Variants in PEAK1 observed in about 807,000 individuals in gnomAD.
PEAK1 encodes the protein inactive tyrosine-protein kinase PEAK1.
Under a neutral mutation model 124.7 loss-of-function variants are expected in PEAK1, and 54 were observed. The ratio of observed to expected loss-of-function variants is 0.43; its 90% CI spans 0.35 to 0.54. The LOEUF (loss-of-function observed/expected upper bound fraction) is 0.54, where lower values mean the gene tolerates loss of function less well. PEAK1 is among the 20% of genes least tolerant of loss of function. The pLI, the probability that PEAK1 is intolerant of heterozygous loss-of-function variation, is 0.01. For missense variants in PEAK1, 2,046 were observed against 2,134.5 expected (o/e 0.96, Z 0.82); for synonymous variants, 719 against 760.0 (o/e 0.95, Z 0.89).
intron 6 of PEAK1, among the ~76,000 whole-genome samples, chr15:77,242,071 T>C (rs190001259): frequency 1.6e-3 from 243 of 152,262 alleles, no homozygotes; most frequent in African/African-American, 5.7e-3. Flanking sequence ...TCTTTTGTAC[T>C]TGATGTTGAA....
intron 2 of PEAK1, among the ~76,000 whole-genome samples, chr15:77,304,949 C>T (rs1439340808): frequency 6.6e-6 from 1 of 151,884 alleles, no homozygotes; most frequent in Non-Finnish European, 1.5e-5. Flanking sequence ...AGATGAAGTA[C>T]AGCCTGGGCA....
At chr15:77,208,647 C>T (rs1596620851) in intron 6 of PEAK1, among the ~76,000 whole-genome samples, 1 of 152,098 alleles carries the variant, frequency 6.6e-6, no homozygotes, top group East Asian at 1.9e-4. Flanking sequence ...ACCATTCTTT[C>T]TGCCAAAGTA....
In PEAK1 at chr15:77,232,935, CG is replaced by C. The variant is rs201256477; in HGVS notation, c.-115+19431del. Among the ~76,000 whole-genome samples the C allele has an allele frequency of 4.8e-3, 734 of 152,086 alleles. 8 individuals are homozygous for C. The highest frequency in any genetic ancestry group is 0.016 in the African/African-American group (662 of 41,512). On this transcript the variant is annotated intron_variant, in intron 6 of 9. Coordinates refer to ENST00000682557, the MANE Select transcript of PEAK1 (RefSeq NM_001385026.1). The stretch of plus-strand genomic sequence containing the variant: ...TAATTTTTTGTATTTTTAGTACAGA[CG>C]GGGTTTTACATTGTTGGCCAGGCTG...
At chr15:77,417,660 A>G in intron 1 of PEAK1, 1 of 985,472 alleles carries the variant, frequency 1.0e-6, no homozygotes, top group Non-Finnish European at 1.2e-6. Context: ...ACAAAAGGGT[A>G]TGATTTGGCA....
At chr15:77,420,581 C>T (rs184442366), upstream of PEAK1, 5 of 315,262 alleles carry the variant, frequency 1.6e-5, no homozygotes, top group Admixed American at 2.5e-4. Flanking sequence ...AATATGTAGT[C>T]ATGACCAATT....
chr15:77,403,049 G>A, intron 1 of PEAK1: 1 of 985,176 alleles, frequency 1.0e-6, no homozygotes, highest in Non-Finnish European at 1.2e-6. Context: ...GCATCCCATT[G>A]CAGAAGAAAA....
At chr15:77,260,584 AC>A (rs2061387781) in intron 5 of PEAK1, among the ~76,000 whole-genome samples, 1 of 152,160 alleles carries the variant, frequency 6.6e-6, no homozygotes, top group Non-Finnish European at 1.5e-5. Context: ...CCAAAAAATA[AC>A]TTCTAGAGAT....
chr15:77,132,906 T>G, intron 9 of PEAK1, 99 bp downstream of exon 9: 1 of 1,224,432 alleles, frequency 8.2e-7, no homozygotes, highest in Non-Finnish European at 1.1e-6. Flanking sequence ...ATTTGCTGAA[T>G]GGAAGAATGA....
intron 1 of PEAK1, among the ~76,000 whole-genome samples, chr15:77,396,584 A>C (rs529283414): frequency 6.6e-6 from 1 of 152,304 alleles, no homozygotes; most frequent in South Asian, 2.1e-4. Flanking sequence ...GAAATGGAAA[A>C]AGATATTCCA....
chr15:77,158,382 T>C lies in PEAK1; in HGVS notation c.3331+121A>G, dbSNP rs1444876402. The C allele has an allele frequency of 5.4e-6, 5 of 925,482 alleles. No homozygotes were observed. The African/African-American group carries it at 6.6e-5, about 12-fold the overall frequency. 57.3% of individuals were successfully genotyped at this position (925,482 alleles called of 1,614,324 possible). A position where few individuals can be genotyped will look rare whatever the true frequency, so the allele number is the denominator to read the frequency against. ...TCTGATGTGACTTAAAATTTGTAACTCCAATGGTCCAAATTCTGCTTCATG... is the reference window on the plus strand; with the variant it reads ...TCTGATGTGACTTAAAATTTGTAACCCCAATGGTCCAAATTCTGCTTCATG... On this transcript the variant is annotated intron_variant, in intron 8 of 9. Transcript: ENST00000682557.
chr15:77,260,518 A>G (rs565639739), intron 5 of PEAK1, among the ~76,000 whole-genome samples: 22 of 152,290 alleles, frequency 1.4e-4, no homozygotes, highest in African/African-American at 4.8e-4. Context: ...ATATTCAAAG[A>G]CATAAATGAA....
Position 77,350,538 on chromosome 15 carries a change from G to C in PEAK1, c.-603+14625C>G, listed in dbSNP as rs1019189623. 6.1e-6 allele frequency: 6 copies of C among 979,610 alleles called. No individual in the cohort carries two copies. The African/African-American group carries it at 8.8e-5, about 14-fold the overall frequency. The allele number at this position is 979,610 out of a possible 1,614,324, so 60.7% of individuals were successfully genotyped here. ...TTTGAAAAAACATGATAATACAATT[G>C]TGAGTCTCCTTAGTGTTAAATTTAT... On this transcript the variant is annotated intron_variant, in intron 2 of 9. Transcript: ENST00000682557.
chr15:77,291,705 C>T (rs1385800190), intron 2 of PEAK1, among the ~76,000 whole-genome samples: 5 of 152,060 alleles, frequency 3.3e-5, no homozygotes, highest in Non-Finnish European at 5.9e-5. Context: ...TGGCCAGGCG[C>T]GGTGGCTCAC....
At chr15:77,228,116 ATTT>A (rs1198534792) in intron 6 of PEAK1, among the ~76,000 whole-genome samples, 1 of 151,832 alleles carries the variant, frequency 6.6e-6, no homozygotes, top group Non-Finnish European at 1.5e-5. Flanking sequence ...TCTATTTTTT[ATTT>A]ATTATTATTA....
intron 2 of PEAK1, among the ~76,000 whole-genome samples, chr15:77,294,121 A>G (rs527747683): frequency 6.6e-6 from 1 of 152,332 alleles, no homozygotes; most frequent in South Asian, 2.1e-4. Flanking sequence ...AATTTGGCCT[A>G]TATCACACTG....
chr15:77,268,776 T>A (rs2061872928), intron 5 of PEAK1, among the ~76,000 whole-genome samples: 1 of 152,060 alleles, frequency 6.6e-6, no homozygotes, highest in South Asian at 2.1e-4. Flanking sequence ...AAGTATCAGG[T>A]AACCTATAAA....
chr15:77,120,081 T>A (rs957448539), intron 9 of PEAK1, among the ~76,000 whole-genome samples: 1 of 152,186 alleles, frequency 6.6e-6, no homozygotes, highest in African/African-American at 2.4e-5. Flanking sequence ...CTGGATGATA[T>A]GACTATGGAA....
intron 2 of PEAK1, chr15:77,347,792 C>A (rs1435923439): frequency 3.0e-6 from 3 of 984,616 alleles, no homozygotes; most frequent in Non-Finnish European, 3.6e-6. Flanking sequence ...GTGTATAGAT[C>A]ATCTGTTTTC....
chr15:77,269,190 G>A (rs2061897053), intron 5 of PEAK1, among the ~76,000 whole-genome samples: 1 of 151,854 alleles, frequency 6.6e-6, no homozygotes, highest in Non-Finnish European at 1.5e-5. Context: ...TGAAAGTAAT[G>A]GGCCGAAATG....
Sources: allele counts gnomAD v4.1 joint callset (sites outside exome capture counted in the v4.1 genomes callset), GRCh38; gene constraint gnomAD v4.1.1; transcripts MANE v1.5; gene names NCBI Gene and HGNC (gene_info 2026-07-23, HGNC 2026-07-21).